The following GRM7 variants were observed in gnomAD, a reference collection of about 807,000 sequenced individuals.
The protein encoded by GRM7 is metabotropic glutamate receptor 7.
A neutral mutation model predicts 84.5 loss-of-function variants in GRM7; 35 were observed. The ratio of observed to expected loss-of-function variants is 0.41; its 90% confidence interval spans 0.32 to 0.55. GRM7 has a LOEUF of 0.55. GRM7 is among the 20% of genes least tolerant of loss of function. The pLI, the probability that GRM7 is intolerant of heterozygous loss-of-function variation, is 0.19. For missense variants in GRM7, 1,003 were observed against 1,194.6 expected (o/e 0.84, Z 2.36); for synonymous variants, 487 against 455.1 (o/e 1.07, Z -0.89).
At chr3:7,157,486 AT>A (rs1249156024) in intron 2 of GRM7, among the ~76,000 whole-genome samples, 9 of 151,552 alleles carry the variant, frequency 5.9e-5, no homozygotes, top group Non-Finnish European at 7.4e-5. Context: ...AAATGAAGGG[AT>A]TTTTTTTTCC....
intron 1 of GRM7, among the ~76,000 whole-genome samples, chr3:7,089,480 C>T (rs6443085): frequency 0.57 from 86,276 of 151,842 alleles, 26,552 homozygotes; most frequent in African/African-American, 0.83. Context: ...CTATGAGCTG[C>T]GGGAGAAGCA....
At chr3:7,086,425 A>AT (rs1698461002) in intron 1 of GRM7, among the ~76,000 whole-genome samples, 2 of 152,182 alleles carry the variant, frequency 1.3e-5, no homozygotes, top group African/African-American at 4.8e-5. Context: ...AAGCTTAGTT[A>AT]AATTTGAGTA....
At chr3:7,375,814 G>A (rs1284587581) in intron 4 of GRM7, among the ~76,000 whole-genome samples, 1 of 152,120 alleles carries the variant, frequency 6.6e-6, no homozygotes, top group African/African-American at 2.4e-5. Flanking sequence ...CCTTGCCTAT[G>A]ACTTCCTTTA....
intron 2 of GRM7, among the ~76,000 whole-genome samples, chr3:7,264,466 C>A (rs997290203): frequency 6.6e-6 from 1 of 152,116 alleles, no homozygotes; most frequent in Admixed American, 6.5e-5. Flanking sequence ...GTAGTAAGAG[C>A]AGGTTGCTCC....
intron 9 of GRM7, among the ~76,000 whole-genome samples, chr3:7,690,197 G>T (rs1249133040): frequency 6.6e-6 from 1 of 152,094 alleles, no homozygotes; most frequent in Admixed American, 6.6e-5. Flanking sequence ...ATGAAATGCA[G>T]GAAGCAGCCT....
At chr3:7,591,093 A>G (rs993927578) in intron 8 of GRM7, among the ~76,000 whole-genome samples, 2 of 152,202 alleles carry the variant, frequency 1.3e-5, no homozygotes, top group Non-Finnish European at 2.9e-5. Context: ...AGAGAGAGCC[A>G]TGTACACTAA....
chr3:6,945,679 A>G (rs937260711), intron 1 of GRM7, among the ~76,000 whole-genome samples: 7 of 152,148 alleles, frequency 4.6e-5, no homozygotes, highest in African/African-American at 9.7e-5. Context: ...AGTCCCACCA[A>G]CAGTGTAAAA....
chr3:7,114,358 A>G (rs1692960205), intron 1 of GRM7, among the ~76,000 whole-genome samples: 1 of 152,170 alleles, frequency 6.6e-6, no homozygotes, highest in Non-Finnish European at 1.5e-5. Flanking sequence ...AAAAATAATA[A>G]TCATTATAAA....
At chr3:6,951,155 G>C (rs1692742033) in intron 1 of GRM7, among the ~76,000 whole-genome samples, 1 of 152,160 alleles carries the variant, frequency 6.6e-6, no homozygotes, top group African/African-American at 2.4e-5. Context: ...CTGTAGACTG[G>C]AGCTGTTCCT....
intron 7 of GRM7, among the ~76,000 whole-genome samples, chr3:7,491,369 G>A (rs1699509926): frequency 6.6e-6 from 1 of 151,326 alleles, no homozygotes; most frequent in African/African-American, 2.4e-5. Context: ...AGTTCTTATA[G>A]TTCTATTTGC....
intron 2 of GRM7, among the ~76,000 whole-genome samples, chr3:7,150,618 A>G (rs1046976972): frequency 6.6e-6 from 1 of 152,252 alleles, no homozygotes; most frequent in South Asian, 2.1e-4. Flanking sequence ...TTTGTAAAAC[A>G]GTTATATTTG....
At chr3:6,955,095 A>G (rs997088769) in intron 1 of GRM7, among the ~76,000 whole-genome samples, 4 of 152,248 alleles carry the variant, frequency 2.6e-5, no homozygotes, top group Non-Finnish European at 4.4e-5. Context: ...CATTTATAGT[A>G]TCTGTCACCC....
At chr3:7,690,835 T>G (rs1700773483) in intron 9 of GRM7, among the ~76,000 whole-genome samples, 1 of 152,212 alleles carries the variant, frequency 6.6e-6, no homozygotes, top group Non-Finnish European at 1.5e-5. Context: ...CCTTAGAGAC[T>G]GTCATTCAGG....
intron 4 of GRM7, among the ~76,000 whole-genome samples, chr3:7,390,146 G>A (rs974266020): frequency 5.3e-5 from 8 of 151,840 alleles, no homozygotes; most frequent in African/African-American, 9.7e-5. Flanking sequence ...ATTCTCAGCT[G>A]GCATTTTTTT....
chr3:7,621,026 C>T (rs1697332465), intron 8 of GRM7, among the ~76,000 whole-genome samples: 4 of 152,192 alleles, frequency 2.6e-5, no homozygotes, highest in African/African-American at 9.6e-5. Context: ...AGATTTTCAT[C>T]TCCTCCTTTT....
chr3:7,003,546 A>C (rs760202584), intron 1 of GRM7, among the ~76,000 whole-genome samples: 1 of 152,216 alleles, frequency 6.6e-6, no homozygotes, highest in Non-Finnish European at 1.5e-5. Flanking sequence ...CTGCTGGTCT[A>C]CATTATGACT....
chr3:7,131,343 C>T lies in GRM7; in HGVS notation c.520-15109C>T, dbSNP rs367631962. 1.2e-4 allele frequency among the ~76,000 whole-genome samples: 18 copies of T among 152,204 alleles called. No homozygotes were observed. In the South Asian group the frequency reaches 2.3e-3, roughly 19 times the overall value. On this transcript the variant is annotated intron_variant, in intron 1 of 9. Coordinates refer to ENST00000357716, the MANE Select transcript of GRM7 (RefSeq NM_000844.4). Reference sequence around the variant, plus strand: ...TACTTGAATCCTTGGGGAGTGATGCCGGTATCCTCATGGAAGGGCCCCTTA... The same window carrying T: ...TACTTGAATCCTTGGGGAGTGATGCTGGTATCCTCATGGAAGGGCCCCTTA...
intron 5 of GRM7, among the ~76,000 whole-genome samples, chr3:7,436,919 T>TATCATCATC (rs3065613): frequency 3.3e-5 from 5 of 151,526 alleles, no homozygotes; most frequent in Non-Finnish European, 7.4e-5. Flanking sequence ...TCAGGTCTTT[T>TATCATCATC]ATCATCATCA....
At chr3:7,031,615 C>T in intron 1 of GRM7, among the ~76,000 whole-genome samples, 1 of 152,106 alleles carries the variant, frequency 6.6e-6, no homozygotes, top group South Asian at 2.1e-4. Context: ...ACAGGGATTT[C>T]ACCATGTTAG....
Sources: allele counts gnomAD v4.1 joint callset (sites outside exome capture counted in the v4.1 genomes callset), GRCh38; gene constraint gnomAD v4.1.1; transcripts MANE v1.5; gene names NCBI Gene and HGNC (gene_info 2026-07-23, HGNC 2026-07-21).